The following EYS variants were observed in gnomAD, a reference collection of about 807,000 sequenced individuals.
EYS encodes the protein protein eyes shut homolog.
In EYS, 250 loss-of-function variants were observed where a neutral mutation model predicts 282.1. The observed-to-expected ratio is 0.89, with a 90% CI of 0.80 to 0.98. EYS has a LOEUF of 0.98. Ranked by LOEUF, EYS falls within the 50% of genes least tolerant of loss-of-function variation. The pLI, the probability that EYS is intolerant of heterozygous loss-of-function variation, is 0.00. For synonymous variants in EYS, 1,355 were observed against 1,282.9 expected (o/e 1.06, Z -1.20); for missense variants, 4,016 against 3,709.0 (o/e 1.08, Z -2.15).
chr6:63,845,497 C>G (rs1404789213), intron 36 of EYS, among the ~76,000 whole-genome samples: 1 of 151,820 alleles, frequency 6.6e-6, no homozygotes, highest in Non-Finnish European at 1.5e-5. Flanking sequence ...CAGCACCACA[C>G]TGCCCTTTAC....
intron 22 of EYS, among the ~76,000 whole-genome samples, chr6:64,717,013 C>G (rs1771421753): frequency 6.6e-6 from 1 of 152,176 alleles, no homozygotes; most frequent in African/African-American, 2.4e-5. Context: ...GCTGTCTCAT[C>G]ATTGGCTCTT....
chr6:64,593,389 C>A, intron 24 of EYS, 80 bp from the exon 25 acceptor site: 1 of 1,107,276 alleles, frequency 9.0e-7, no homozygotes, highest in Non-Finnish European at 1.3e-6. Flanking sequence ...GTTTTGAGAT[C>A]CATTTGCATT....
chr6:65,048,472 T>G (rs1244300562), intron 13 of EYS, among the ~76,000 whole-genome samples: 1 of 151,930 alleles, frequency 6.6e-6, no homozygotes, highest in Non-Finnish European at 1.5e-5. Context: ...GGCTTCTCAT[T>G]GTGTGTTCCT....
chr6:64,455,499 A>G (rs1382328914), intron 26 of EYS, among the ~76,000 whole-genome samples: 1 of 151,976 alleles, frequency 6.6e-6, no homozygotes, highest in Non-Finnish European at 1.5e-5. Flanking sequence ...GGTATGTTAC[A>G]TAGGTAGACA....
At chr6:65,307,901 C>G (rs1769055103) in intron 11 of EYS, among the ~76,000 whole-genome samples, 1 of 147,258 alleles carries the variant, frequency 6.8e-6, no homozygotes, top group Non-Finnish European at 1.5e-5. Flanking sequence ...GTTTTCTTCT[C>G]TCTCCCCCAC....
At chr6:64,925,176 A>G (rs1254124547) in intron 15 of EYS, among the ~76,000 whole-genome samples, 1 of 152,234 alleles carries the variant, frequency 6.6e-6, no homozygotes, top group African/African-American at 2.4e-5. Context: ...TAGTGGCAAG[A>G]GAATAATGAG....
intron 22 of EYS, among the ~76,000 whole-genome samples, chr6:64,655,475 C>T (rs1238810485): frequency 6.6e-6 from 1 of 151,846 alleles, no homozygotes; most frequent in Non-Finnish European, 1.5e-5. Flanking sequence ...TTCTTAAGAT[C>T]TATCATTTTA....
At chr6:65,354,781 C>G (rs1764419270) in intron 8 of EYS, among the ~76,000 whole-genome samples, 2 of 151,688 alleles carry the variant, frequency 1.3e-5, no homozygotes, top group South Asian at 4.2e-4. Flanking sequence ...GAGATCACAC[C>G]ACTGCACTCC....
intron 31 of EYS, among the ~76,000 whole-genome samples, chr6:64,223,872 A>G (rs886230374): frequency 6.6e-6 from 1 of 152,064 alleles, no homozygotes; most frequent in Non-Finnish European, 1.5e-5. Context: ...GCATGCATAC[A>G]TGTACTTGCA....
intron 22 of EYS, among the ~76,000 whole-genome samples, chr6:64,732,016 A>G (rs1026013795): frequency 6.6e-6 from 1 of 152,184 alleles, no homozygotes; most frequent in Non-Finnish European, 1.5e-5. Context: ...TTGTAGTGAC[A>G]TGGATGAAGG....
intron 1 of EYS, among the ~76,000 whole-genome samples, chr6:65,677,189 A>G (rs1458878287): frequency 6.6e-6 from 1 of 151,352 alleles, no homozygotes; most frequent in Non-Finnish European, 1.5e-5. Flanking sequence ...TATCACTTCT[A>G]TTCAACATAG....
chr6:63,828,511 A>G (rs1349742774), intron 36 of EYS, among the ~76,000 whole-genome samples: 2 of 152,236 alleles, frequency 1.3e-5, no homozygotes, highest in Non-Finnish European at 2.9e-5. Flanking sequence ...AATCAAGAAG[A>G]ATTACATAAC....
intron 22 of EYS, among the ~76,000 whole-genome samples, chr6:64,630,137 C>T (rs1456655864): frequency 6.6e-6 from 1 of 152,032 alleles, no homozygotes; most frequent in Non-Finnish European, 1.5e-5. Context: ...CTCTCTGTTG[C>T]CAGGCTGGAG....
chr6:64,200,805 A>G (rs767573887), intron 31 of EYS, among the ~76,000 whole-genome samples: 1 of 152,172 alleles, frequency 6.6e-6, no homozygotes, highest in Non-Finnish European at 1.5e-5. Flanking sequence ...CCACTCCCTC[A>G]AAATTATATA....
chr6:64,439,150 T>C lies in EYS; in HGVS notation c.5835+12A>G, dbSNP rs988678775. Reference sequence around the variant, plus strand: ...GTAATTTTTAAAAAATTAAATGAACTGAATAACTTACCTTTAAAGTACCAT... The same window carrying C: ...GTAATTTTTAAAAAATTAAATGAACCGAATAACTTACCTTTAAAGTACCAT... On this transcript the variant is annotated intron_variant, in intron 27 of 42. Coordinates refer to ENST00000503581, the MANE Select transcript of EYS (RefSeq NM_001142800.2). 37 of 1,349,280 alleles carry C rather than the reference T, an allele frequency of 2.7e-5. No homozygotes were observed. Among genetic ancestry groups the C allele is most frequent in the Non-Finnish European group, 3.5e-5 (36 of 1,015,364 alleles). 83.6% of individuals were successfully genotyped at this position (1,349,280 alleles called of 1,614,324 possible). A position where few individuals can be genotyped will look rare whatever the true frequency, so the allele number is the denominator to read the frequency against.
intron 35 of EYS, among the ~76,000 whole-genome samples, chr6:63,969,445 G>C (rs909057361): frequency 6.6e-6 from 1 of 152,208 alleles, no homozygotes; most frequent in Non-Finnish European, 1.5e-5. Context: ...TAAGCAGAGA[G>C]AATAGCCTAA....
At chr6:64,585,553 A>C (rs1006494179) in intron 26 of EYS, among the ~76,000 whole-genome samples, 1 of 152,094 alleles carries the variant, frequency 6.6e-6, no homozygotes, top group Non-Finnish European at 1.5e-5. Flanking sequence ...TTGGCCTGAA[A>C]CGTAGAGAAC....
At chr6:64,921,988 C>A (rs9453111) in intron 15 of EYS, among the ~76,000 whole-genome samples, 6 of 151,906 alleles carry the variant, frequency 3.9e-5, no homozygotes, top group African/African-American at 1.5e-4. Context: ...AAAAAACTTG[C>A]TTGAAATATA....
intron 8 of EYS, among the ~76,000 whole-genome samples, chr6:65,362,369 G>C (rs1014991167): frequency 2.0e-5 from 3 of 151,928 alleles, no homozygotes; most frequent in Admixed American, 6.6e-5. Context: ...CTAGAACATC[G>C]TTACTCCAAG....
Sources: allele counts gnomAD v4.1 joint callset (sites outside exome capture counted in the v4.1 genomes callset), GRCh38; gene constraint gnomAD v4.1.1; transcripts MANE v1.5; gene names NCBI Gene and HGNC (gene_info 2026-07-23, HGNC 2026-07-21).